Variants in NTRK1 observed in about 807,000 individuals in gnomAD.
NTRK1 encodes the protein high affinity nerve growth factor receptor.
A neutral mutation model predicts 86.8 loss-of-function variants in NTRK1; 62 were observed. The ratio of observed to expected loss-of-function variants is 0.71; its 90% CI spans 0.58 to 0.88. The LOEUF is 0.88. Ranked by LOEUF, NTRK1 falls within the 40% of genes least tolerant of loss-of-function variation. The probability of loss-of-function intolerance (pLI) is 0.00; values close to 1 mark genes in which losing one functional copy is unlikely to be tolerated. For missense variants in NTRK1, 967 were observed against 1,078.4 expected (o/e 0.90, Z 1.45); for synonymous variants, 469 against 456.6 (o/e 1.03, Z -0.35).
intron 2 of NTRK1, chr1:156,845,008 C>A: frequency 1.3e-6 from 2 of 1,546,854 alleles, no homozygotes; most frequent in Non-Finnish European, 1.8e-6. Flanking sequence ...GAAGTCAAAC[C>A]CCAAACCTTT....
At chr1:156,841,641 C>T (rs1654788680) in intron 1 of NTRK1, 5 of 1,612,214 alleles carry the variant, frequency 3.1e-6, no homozygotes, top group Non-Finnish European at 3.4e-6. Flanking sequence ...ATCCCTGGAG[C>T]CCTGTGCTCC....
At chr1:156,829,348 C>G (rs954876553) in intron 1 of NTRK1, among the ~76,000 whole-genome samples, 8 of 152,092 alleles carry the variant, frequency 5.3e-5, no homozygotes, top group Non-Finnish European at 1.0e-4. Context: ...TATCCCTCAT[C>G]CCCCCTTTTC....
Position 156,854,046 on chromosome 1 carries a change from G to C in NTRK1, c.51-10308G>C. 1 of 1,614,110 alleles carries C rather than the reference G, an allele frequency of 6.2e-7. No homozygotes were observed. Among genetic ancestry groups the C allele is most frequent in the Non-Finnish European group, 8.5e-7 (1 of 1,180,040 alleles). ...AGATGTGGCATCTCAAAGATGACCA[G>C]TGCATAGCCCAGGAAGAGGCGCGTC... On this transcript the variant is annotated intron_variant, in intron 2 of 16. Transcript: ENST00000392302. This position sits in a 1 kb window ranked among gnomAD's most constrained non-coding sequence, Gnocchi z 4.2.
chr1:156,845,691 G>A (rs1654972734), intron 2 of NTRK1: 2 of 1,611,920 alleles, frequency 1.2e-6, no homozygotes, highest in Non-Finnish European at 1.7e-6. Flanking sequence ...CGCCTCCAGC[G>A]GGGGCAGAAC....
chr1:156,879,096 AT>A, intron 14 of NTRK1, 25 bp from the exon 15 acceptor site: 1 of 1,611,912 alleles, frequency 6.2e-7, no homozygotes, highest in Non-Finnish European at 8.5e-7. Context: ...CTCCCAGCCT[AT>A]CCCCTCTCCT....
At position 156,849,621 on chromosome 1, in the gene NTRK1, C is replaced by T. The variant is rs145358753; in HGVS notation, c.50+7428C>T. ...CACACCGGGGGCATTCGTGCATACC[C>T]ACTCTGTGCCACTGACCAGGAGTAT... On this transcript the variant is annotated intron_variant, in intron 2 of 16. Coordinates refer to the NTRK1 transcript ENST00000392302. Among the ~76,000 whole-genome samples, 305 of 152,300 alleles carry T rather than the reference C, an allele frequency of 2.0e-3. 2 individuals carry two copies. The highest frequency in any genetic ancestry group is 6.9e-3 in the African/African-American group (288 of 41,568).
intron 1 of NTRK1, among the ~76,000 whole-genome samples, chr1:156,863,448 C>T (rs1347744910): frequency 1.3e-5 from 2 of 152,080 alleles, no homozygotes; most frequent in Admixed American, 6.5e-5. Context: ...GTAAGTCAGC[C>T]AGTCTGTGCC....
At chr1:156,864,283 G>T in intron 1 of NTRK1, 71 bp from the exon 2 acceptor site, 1 of 1,433,626 alleles carries the variant, frequency 7.0e-7, no homozygotes, top group Non-Finnish European at 9.8e-7. Context: ...TATTGTGAGG[G>T]AGTAAGTGGG....
chr1:156,839,118 G>A (rs1654673366), intron 1 of NTRK1, among the ~76,000 whole-genome samples: 1 of 152,384 alleles, frequency 6.6e-6, no homozygotes, highest in South Asian at 2.1e-4. Flanking sequence ...GGGGAGGGGT[G>A]GGGCTCCACA....
intron 1 of NTRK1, chr1:156,815,883 G>T: frequency 4.3e-6 from 7 of 1,613,934 alleles, no homozygotes; most frequent in Non-Finnish European, 5.9e-6. Context: ...CAGCCCGTTG[G>T]CAGACCCGGA....
chr1:156,817,420 T>G (rs1654035189), intron 1 of NTRK1, among the ~76,000 whole-genome samples: 1 of 150,296 alleles, frequency 6.7e-6, no homozygotes, highest in Admixed American at 6.6e-5. Context: ...CCCATCACTA[T>G]TTTTAAAATA....
At chr1:156,861,179 G>C (rs1033412761) in intron 1 of NTRK1, 33 bp downstream of exon 1, 28 of 1,535,486 alleles carry the variant, frequency 1.8e-5, no homozygotes, top group Non-Finnish European at 2.3e-5. Flanking sequence ...GGGGGCGCGG[G>C]GACAGGCAGG....
chr1:156,826,559 G>A (rs893607852), intron 1 of NTRK1, among the ~76,000 whole-genome samples: 5 of 152,124 alleles, frequency 3.3e-5, no homozygotes, highest in Non-Finnish European at 7.3e-5. Flanking sequence ...AAAGTGCTGG[G>A]ATTACAGGCA....
chr1:156,846,651 C>T, intron 2 of NTRK1: 1 of 1,614,188 alleles, frequency 6.2e-7, no homozygotes, highest in Non-Finnish European at 8.5e-7. Flanking sequence ...GCTAGGGTCA[C>T]CCCTGGCTCC....
At chr1:156,842,428 GC>G in intron 2 of NTRK1, 1 of 1,614,082 alleles carries the variant, frequency 6.2e-7, no homozygotes, top group Non-Finnish European at 8.5e-7. Flanking sequence ...ATCGAAGATG[GC>G]TCTTGAGGTC....
intron 1 of NTRK1, among the ~76,000 whole-genome samples, chr1:156,818,229 AG>A (rs1257066604): frequency 7.3e-5 from 11 of 151,176 alleles, no homozygotes; most frequent in African/African-American, 2.5e-4. Context: ...GAACCCAGAG[AG>A]GAAAAAAAAA....
In NTRK1 at chr1:156,873,655, C is replaced by T. The variant is rs978443025; in HGVS notation, c.873C>T (p.His291=). The change falls in exon 8 of 17, where the codon CAC becomes CAT. Residue 291 remains histidine, a synonymous_variant. Transcript: ENST00000524377. ...CAGTCCCGGCCAGTGTGCAGCTGCA[C>T]ACGGCGGTGGAGATGCACCACTGGT... is the stretch of plus-strand genomic sequence containing the variant. ...NVSFPASVQL[H]TAVEMHHWCI... is the part of the protein sequence containing the mutation. 3.1e-6 allele frequency: 5 copies of T among 1,610,614 alleles called. No homozygotes were observed. The highest frequency in any genetic ancestry group is 4.2e-6 in the Non-Finnish European group (5 of 1,179,516).
At chr1:156,880,756 TGA>T (rs1648211540) in intron 16 of NTRK1, among the ~76,000 whole-genome samples, 1 of 152,146 alleles carries the variant, frequency 6.6e-6, no homozygotes, top group South Asian at 2.1e-4. Context: ...TCTCAAGCAC[TGA>T]GAGAAGAAAT....
At chr1:156,862,631 C>A (rs184694917) in intron 1 of NTRK1, among the ~76,000 whole-genome samples, 12 of 152,278 alleles carry the variant, frequency 7.9e-5, no homozygotes, top group African/African-American at 2.6e-4. Context: ...TCCTCACTCA[C>A]CCGCAGAGCT....
Sources: gnomAD v4.1 joint callset for allele counts (sites outside exome capture counted in the v4.1 genomes callset) on GRCh38, gnomAD v4.1.1 for gene constraint, Gnocchi (gnomAD v3.1) non-coding constraint, MANE v1.5 for transcripts, NCBI Gene and HGNC (gene_info 2026-07-23, HGNC 2026-07-21) for gene names.